Variants in IL1RAPL1 observed in about 807,000 individuals in gnomAD.
IL1RAPL1 encodes the protein interleukin 1 receptor accessory protein like 1.
In IL1RAPL1, 3 loss-of-function variants were observed where a neutral mutation model predicts 48.4. The observed-to-expected ratio is 0.06, with a 90% CI of 0.03 to 0.16. The LOEUF (loss-of-function observed/expected upper bound fraction) is 0.16, where lower values mean the gene tolerates loss of function less well. Among genes scored for constraint, IL1RAPL1 ranks in the 10% least tolerant of loss-of-function variants. The probability of loss-of-function intolerance (pLI) is 1.00; values close to 1 mark genes in which losing one functional copy is unlikely to be tolerated. For synonymous variants in IL1RAPL1, 185 were observed against 187.7 expected (o/e 0.99, Z 0.12); for missense variants, 349 against 530.6 (o/e 0.66, Z 3.36).
At chrX:28,634,988 A>T (rs867185014) in intron 1 of IL1RAPL1, among the ~76,000 whole-genome samples, 3 of 86,284 alleles carry the variant, frequency 3.5e-5, no homozygotes, top group Non-Finnish European at 4.7e-5. Flanking sequence ...AACTCTTTGC[A>T]CTATCTTGGG....
chrX:28,639,568 G>A (rs1261098796), intron 1 of IL1RAPL1, among the ~76,000 whole-genome samples: 2 of 111,885 alleles, frequency 1.8e-5, no homozygotes, highest in Non-Finnish European at 3.8e-5. Context: ...CTTAAATTCT[G>A]TCTTAACTTG....
intron 5 of IL1RAPL1, among the ~76,000 whole-genome samples, chrX:29,437,634 A>G (rs960254410): frequency 2.3e-4 from 26 of 110,643 alleles, no homozygotes; most frequent in African/African-American, 8.2e-4. Flanking sequence ...TCTTATCATG[A>G]ATGGGTGTTA....
At chrX:28,720,106 T>C (rs1428612951) in intron 1 of IL1RAPL1, among the ~76,000 whole-genome samples, 1 of 111,575 alleles carries the variant, frequency 9.0e-6, no homozygotes, top group Non-Finnish European at 1.9e-5. Flanking sequence ...TATTCATTTG[T>C]AATAAAAAAA....
At chrX:29,003,076 G>A (rs942663390) in intron 2 of IL1RAPL1, among the ~76,000 whole-genome samples, 1 of 110,921 alleles carries the variant, frequency 9.0e-6, no homozygotes, top group African/African-American at 3.3e-5. Flanking sequence ...TAGGAAGGAG[G>A]GGGGACAGGG....
At chrX:29,526,952 G>A (rs946657587) in intron 5 of IL1RAPL1, among the ~76,000 whole-genome samples, 2 of 111,402 alleles carry the variant, frequency 1.8e-5, no homozygotes, top group African/African-American at 3.3e-5. Context: ...AAAATATCTG[G>A]GAAAAACACT....
chrX:28,848,513 G>A (rs1921571965), intron 2 of IL1RAPL1, among the ~76,000 whole-genome samples: 1 of 109,381 alleles, frequency 9.1e-6, no homozygotes, highest in Admixed American at 9.8e-5. Context: ...TTTTAATTTG[G>A]GTTTTCTATA....
intron 5 of IL1RAPL1, among the ~76,000 whole-genome samples, chrX:29,542,060 G>A (rs1921456830): frequency 9.0e-6 from 1 of 111,315 alleles, no homozygotes; most frequent in African/African-American, 3.3e-5. Flanking sequence ...CATGAGGCAC[G>A]GTATCCTTAC....
chrX:29,885,555 A>C (rs1932140376), intron 6 of IL1RAPL1, among the ~76,000 whole-genome samples: 1 of 111,984 alleles, frequency 8.9e-6, no homozygotes, highest in Non-Finnish European at 1.9e-5. Flanking sequence ...TCATGCCTGT[A>C]ATCCCAGAAC....
At chrX:28,643,393 G>A (rs1481547871) in intron 1 of IL1RAPL1, among the ~76,000 whole-genome samples, 2 of 111,119 alleles carry the variant, frequency 1.8e-5, no homozygotes, top group African/African-American at 6.6e-5. Context: ...CATGCATTCT[G>A]TGACTTAGCC....
At chrX:29,864,299 A>T (rs1931649489) in intron 6 of IL1RAPL1, among the ~76,000 whole-genome samples, 1 of 112,203 alleles carries the variant, frequency 8.9e-6, no homozygotes, top group Admixed American at 9.4e-5. Context: ...TTTTTGTGTG[A>T]TACCTCAAAA....
chrX:28,612,443 A>G (rs1159549173), intron 1 of IL1RAPL1, among the ~76,000 whole-genome samples: 1 of 111,931 alleles, frequency 8.9e-6, no homozygotes. Flanking sequence ...TCTGAAAGAT[A>G]AAGGACAATG....
intron 2 of IL1RAPL1, among the ~76,000 whole-genome samples, chrX:29,255,966 A>G (rs1028831200): frequency 6.3e-5 from 7 of 111,574 alleles, no homozygotes; most frequent in African/African-American, 2.3e-4. Context: ...TCCTTTGGGT[A>G]TATACCCAGT....
chrX:28,842,563 A>G (rs955466912), intron 2 of IL1RAPL1, among the ~76,000 whole-genome samples: 3 of 111,234 alleles, frequency 2.7e-5, no homozygotes, highest in African/African-American at 9.8e-5. Context: ...CCATTCTCCT[A>G]TCCCCTAATT....
At chrX:29,535,657 G>A (rs185219772) in intron 5 of IL1RAPL1, among the ~76,000 whole-genome samples, 217 of 112,234 alleles carry the variant, frequency 1.9e-3, no homozygotes, top group African/African-American at 6.3e-3. Flanking sequence ...CTCAGGGTTA[G>A]CTTAAGGAGA....
chrX:28,775,965 T>C (rs1936358892), intron 1 of IL1RAPL1, among the ~76,000 whole-genome samples: 1 of 112,229 alleles, frequency 8.9e-6, no homozygotes. Flanking sequence ...CCTCATAATG[T>C]GTATTAACTG....
intron 2 of IL1RAPL1, among the ~76,000 whole-genome samples, chrX:29,269,571 T>C (rs763990987): frequency 9.1e-6 from 1 of 110,277 alleles, no homozygotes; most frequent in Admixed American, 9.7e-5. Flanking sequence ...ATGCCTGAAA[T>C]CATGCCAATG....
chrX:28,653,394 G>T (rs1934709402), intron 1 of IL1RAPL1, among the ~76,000 whole-genome samples: 1 of 110,194 alleles, frequency 9.1e-6, no homozygotes, highest in Admixed American at 9.7e-5. Context: ...AGAATTACTT[G>T]AACCCGGGAG....
chrX:28,602,273 A>G (rs11797044), intron 1 of IL1RAPL1, among the ~76,000 whole-genome samples: 4,063 of 111,674 alleles, frequency 0.036, 89 homozygotes, highest in Middle Eastern at 0.092. Flanking sequence ...CAACATTTCT[A>G]TATATTCACT....
intron 6 of IL1RAPL1, among the ~76,000 whole-genome samples, chrX:29,826,368 A>C (rs776614969): frequency 1.8e-5 from 2 of 111,693 alleles, no homozygotes; most frequent in South Asian, 3.7e-4. Flanking sequence ...GGGGGCCAAA[A>C]ATTTGCTTTT....
Sources: allele counts gnomAD v4.1 joint callset (sites outside exome capture counted in the v4.1 genomes callset), GRCh38; gene constraint gnomAD v4.1.1; transcripts MANE v1.5; gene names NCBI Gene and HGNC (gene_info 2026-07-23, HGNC 2026-07-21).